ATF6: variants seen among roughly 807,000 people sequenced by gnomAD.
ATF6 encodes the protein activating transcription factor 6.
ATF6 carries 53 observed loss-of-function variants against 83.6 expected under a neutral mutation model. The observed-to-expected ratio is 0.63, with a 90% CI of 0.51 to 0.80. ATF6 has a LOEUF of 0.80. Among genes scored for constraint, ATF6 ranks in the 30% least tolerant of loss-of-function variants. The probability of loss-of-function intolerance (pLI) is 0.00; values close to 1 mark genes in which losing one functional copy is unlikely to be tolerated. For missense variants in ATF6, 744 were observed against 797.9 expected, an observed-to-expected ratio of 0.93 and a Z score of 0.81; for synonymous variants, 288 against 285.8, an observed-to-expected ratio of 1.01 and a Z score of -0.08.
intron 9 of ATF6, among the ~76,000 whole-genome samples, chr1:161,836,361 A>G (rs1218646171): frequency 6.6e-6 from 1 of 152,208 alleles, no homozygotes; most frequent in Non-Finnish European, 1.5e-5. Flanking sequence ...TCAAACCACC[A>G]AGTATACACG....
intron 14 of ATF6, among the ~76,000 whole-genome samples, chr1:161,893,161 T>C (rs1687594027): frequency 6.6e-6 from 1 of 151,810 alleles, no homozygotes; most frequent in African/African-American, 2.4e-5. Context: ...TTATTTTCTT[T>C]CTTTCTTTCT....
intron 6 of ATF6, among the ~76,000 whole-genome samples, chr1:161,796,072 G>C (rs1685012370): frequency 6.8e-6 from 1 of 148,054 alleles, no homozygotes. Context: ...CCTTGCCTTG[G>C]TATTCTTCCA....
chr1:161,802,715 A>T (rs1685186833), intron 7 of ATF6, among the ~76,000 whole-genome samples: 1 of 152,172 alleles, frequency 6.6e-6, no homozygotes, highest in Admixed American at 6.5e-5. Flanking sequence ...TGCCGTTTTG[A>T]AGTATTTTCA....
chr1:161,822,309 G>C (rs2101787335), intron 9 of ATF6, among the ~76,000 whole-genome samples: 1 of 152,256 alleles, frequency 6.6e-6, no homozygotes, highest in East Asian at 1.9e-4. Context: ...CAGCATATTA[G>C]GGGCAGAACT....
At chr1:161,792,006 A>T in intron 5 of ATF6, 118 bp from the exon 6 acceptor site, 2 of 882,778 alleles carry the variant, frequency 2.3e-6, no homozygotes, top group Non-Finnish European at 3.6e-6. Context: ...AACTCCAGTT[A>T]AAGATTGTTA....
At chr1:161,794,430 ACT>A (rs1442178717) in intron 6 of ATF6, among the ~76,000 whole-genome samples, 3 of 151,400 alleles carry the variant, frequency 2.0e-5, no homozygotes, top group Admixed American at 6.6e-5. Context: ...GGAATGTAAA[ACT>A]CTTCACAATT....
rs117761440 is a variant in ATF6 at position 161,902,367 on chromosome 1, C to T, written c.1720-9929C>T. Among the ~76,000 whole-genome samples the T allele has an allele frequency of 2.6e-4, 40 of 152,284 alleles. No individual in the cohort carries two copies. The East Asian group carries it at 7.7e-3, about 29-fold the overall frequency. Reference sequence around the variant, plus strand: ...TTTTTACTGCTTCAACAAGGATATTCTAAACTGAAATTGGCTTTAAAATAT... The same window carrying T: ...TTTTTACTGCTTCAACAAGGATATTTTAAACTGAAATTGGCTTTAAAATAT... On this transcript the variant is annotated intron_variant, in intron 14 of 15. Coordinates refer to ENST00000367942, the MANE Select transcript of ATF6 (RefSeq NM_007348.4).
intron 15 of ATF6, among the ~76,000 whole-genome samples, chr1:161,942,843 A>G (rs943681198): frequency 2.1e-5 from 3 of 144,208 alleles, no homozygotes; most frequent in South Asian, 4.3e-4. Flanking sequence ...CCACAGCCTC[A>G]TCTTTTTTTG....
At chr1:161,865,975 T>G (rs1686989384) in intron 14 of ATF6, among the ~76,000 whole-genome samples, 1 of 152,206 alleles carries the variant, frequency 6.6e-6, no homozygotes, top group Non-Finnish European at 1.5e-5. Context: ...TTGGTCTTCT[T>G]TCATCTTTCA....
At chr1:161,774,654 C>T (rs1226475247) in intron 1 of ATF6, among the ~76,000 whole-genome samples, 1 of 152,140 alleles carries the variant, frequency 6.6e-6, no homozygotes, top group African/African-American at 2.4e-5. Flanking sequence ...TACTCTCTAT[C>T]CTCCTGCCTC....
chr1:161,772,974 T>G (rs1007010887), intron 1 of ATF6, among the ~76,000 whole-genome samples: 1 of 146,458 alleles, frequency 6.8e-6, no homozygotes, highest in African/African-American at 2.5e-5. Context: ...TTTTTTTTTT[T>G]TTTTTTTTTT....
At chr1:161,957,424 A>T (rs1201932617) in intron 15 of ATF6, among the ~76,000 whole-genome samples, 1 of 152,062 alleles carries the variant, frequency 6.6e-6, no homozygotes, top group African/African-American at 2.4e-5. Context: ...ACATCTTTTT[A>T]CTGTATTGCT....
At chr1:161,925,535 A>G (rs554344155) in intron 15 of ATF6, among the ~76,000 whole-genome samples, 2 of 152,162 alleles carry the variant, frequency 1.3e-5, no homozygotes, top group South Asian at 2.1e-4. Flanking sequence ...TCCCAACTTT[A>G]TGTACCCAGA....
chr1:161,840,729 T>G (rs2101812384), intron 9 of ATF6, among the ~76,000 whole-genome samples: 1 of 152,300 alleles, frequency 6.6e-6, no homozygotes, highest in South Asian at 2.1e-4. Context: ...TTGAAATCAT[T>G]TGTGTTTTAT....
chr1:161,791,644 G>T, intron 5 of ATF6, 107 bp downstream of exon 5: 2 of 1,302,940 alleles, frequency 1.5e-6, no homozygotes, highest in Admixed American at 2.7e-5. Flanking sequence ...AGGCTGGCTT[G>T]CTGTTTTTTA....
intron 14 of ATF6, among the ~76,000 whole-genome samples, chr1:161,894,916 A>G (rs1050976613): frequency 1.3e-5 from 2 of 151,732 alleles, no homozygotes; most frequent in African/African-American, 2.4e-5. Flanking sequence ...TCAACCATTA[A>G]TAGATAACTG....
chr1:161,780,466 C>T (rs187862325), intron 2 of ATF6, among the ~76,000 whole-genome samples: 33 of 151,282 alleles, frequency 2.2e-4, no homozygotes, highest in African/African-American at 7.5e-4. Flanking sequence ...CTCCACCTCC[C>T]GGGTTCACAC....
In ATF6 at chr1:161,906,550, G is replaced by A. The variant is rs115025664; in HGVS notation, c.1720-5746G>A. 6.5e-3 allele frequency among the ~76,000 whole-genome samples: 987 copies of A among 152,278 alleles called. 7 individuals carry two copies. Among genetic ancestry groups the A allele is most frequent in the African/African-American group, 0.022 (931 of 41,548 alleles). The stretch of plus-strand genomic sequence containing the variant: ...TTGTGGGGGACATCCTACAGAGTTT[G>A]ACATGAAAAGTATATCTTAAATCAA... On this transcript the variant is annotated intron_variant, in intron 14 of 15. Transcript: ENST00000367942.
chr1:161,823,872 T>TAA (rs1232910174), intron 9 of ATF6, among the ~76,000 whole-genome samples: 1 of 152,208 alleles, frequency 6.6e-6, no homozygotes, highest in Non-Finnish European at 1.5e-5. Context: ...ACTGCTGCCG[T>TAA]AATTTATTTA....
Sources: allele counts gnomAD v4.1 joint callset (sites outside exome capture counted in the v4.1 genomes callset), GRCh38; gene constraint gnomAD v4.1.1; transcripts MANE v1.5; gene names NCBI Gene and HGNC (gene_info 2026-07-23, HGNC 2026-07-21).